The following ITPK1 variants were observed in gnomAD, a reference collection of about 807,000 sequenced individuals.
ITPK1 encodes the protein inositol-tetrakisphosphate 1-kinase, also known as inositol 1,3,4-trisphosphate 5/6-kinase.
In ITPK1, 21 loss-of-function variants were observed where a neutral mutation model predicts 45.3. The ratio of observed to expected loss-of-function variants is 0.46; its 90% CI spans 0.33 to 0.67. ITPK1 has a LOEUF of 0.67. ITPK1 is among the 30% of genes least tolerant of loss of function. The pLI, the probability that ITPK1 is intolerant of heterozygous loss-of-function variation, is 0.02. For missense variants in ITPK1, 474 were observed against 573.5 expected (o/e 0.83, Z 1.77); for synonymous variants, 258 against 253.6 (o/e 1.02, Z -0.16).
chr14:92,946,843 T>C (rs1887714920), intron 9 of ITPK1, among the ~76,000 whole-genome samples: 2 of 152,228 alleles, frequency 1.3e-5, no homozygotes, highest in Admixed American at 1.3e-4. Context: ...ACCCATATTT[T>C]TTAGCCTCTA....
At position 92,992,176 on chromosome 14, in the gene ITPK1, T is replaced by C. The variant is rs1886822492; in HGVS notation, c.364+1704A>G. On this transcript the variant is annotated intron_variant, in intron 5 of 10. Transcript: ENST00000267615. ...TGTCCGGGACATGAGATGTGGCTGC[T>C]GGTCTGCCACCTTCTTCTGCTAGCT... Among the ~76,000 whole-genome samples the C allele has an allele frequency of 1.3e-5, 2 of 152,360 alleles. 1 individual carries two copies. The highest frequency in any genetic ancestry group is 1.3e-4 in the Admixed American group (2 of 15,300).
At chr14:93,107,863 T>G (rs1309818369) in intron 2 of ITPK1, among the ~76,000 whole-genome samples, 1 of 152,202 alleles carries the variant, frequency 6.6e-6, no homozygotes, top group Non-Finnish European at 1.5e-5. Context: ...GGGCAGCTGC[T>G]TTCTGAGCAG....
intron 5 of ITPK1, among the ~76,000 whole-genome samples, chr14:92,990,147 C>T (rs1023810410): frequency 6.6e-6 from 1 of 152,240 alleles, no homozygotes; most frequent in Admixed American, 6.5e-5. Context: ...AATTTCCTGA[C>T]TCCCTTGCAG....
intron 5 of ITPK1, among the ~76,000 whole-genome samples, chr14:92,992,270 G>A (rs1424674783): frequency 6.6e-6 from 1 of 152,184 alleles, no homozygotes; most frequent in Non-Finnish European, 1.5e-5. Context: ...CACACCTTCT[G>A]GAAAGAGGCT....
intron 5 of ITPK1, among the ~76,000 whole-genome samples, chr14:92,972,821 C>T (rs1301075741): frequency 6.6e-6 from 1 of 152,346 alleles, no homozygotes; most frequent in East Asian, 1.9e-4. Context: ...GAACTCCGGA[C>T]CTCAAGTGAT....
intron 3 of ITPK1, among the ~76,000 whole-genome samples, chr14:93,053,743 G>A (rs1283041798): frequency 6.6e-6 from 1 of 152,142 alleles, no homozygotes; most frequent in Non-Finnish European, 1.5e-5. Context: ...GTCAGGGTAG[G>A]GCAGATACGG....
chr14:92,995,769 G>C (rs561943083), intron 4 of ITPK1, among the ~76,000 whole-genome samples: 1 of 152,210 alleles, frequency 6.6e-6, no homozygotes. Flanking sequence ...GCACTGATGC[G>C]GGAGAGCCCA....
chr14:92,942,102 G>C (rs2139692677), intron 10 of ITPK1, among the ~76,000 whole-genome samples, 198 bp from the exon 11 acceptor site: 1 of 152,292 alleles, frequency 6.6e-6, no homozygotes, highest in East Asian at 1.9e-4. Context: ...GCCCAACCAG[G>C]TGCGTGCTCC....
At chr14:93,002,438 A>C (rs996584506) in intron 4 of ITPK1, among the ~76,000 whole-genome samples, 18 of 152,366 alleles carry the variant, frequency 1.2e-4, no homozygotes, top group African/African-American at 4.3e-4. Flanking sequence ...ATGGAGTCTG[A>C]ACCCAGGGCC....
Position 92,941,981 on chromosome 14 carries a change from G to A in ITPK1, c.902-77C>T. The A allele has an allele frequency of 2.4e-6, 3 of 1,254,310 alleles. No individual in the cohort carries two copies. In the South Asian group the frequency reaches 3.8e-5, roughly 16 times the overall value. The allele number at this position is 1,254,310 out of a possible 1,614,324, so 77.7% of individuals were successfully genotyped here. A position where few individuals can be genotyped will look rare whatever the true frequency, so the allele number is the denominator to read the frequency against. ...ATGCAGGGAGGAGGAGGAGGAGGCA[G>A]AACCGATGGGCTCCTGGGATGAGGC... On this transcript the variant is annotated intron_variant, in intron 10 of 10. Transcript: ENST00000267615.
intron 8 of ITPK1, among the ~76,000 whole-genome samples, chr14:92,956,273 C>T (rs1884723862): frequency 6.6e-6 from 1 of 151,932 alleles, no homozygotes; most frequent in African/African-American, 2.4e-5. Flanking sequence ...GTGCACACCA[C>T]CATGCCCAGG....
At position 92,958,463 on chromosome 14, in the gene ITPK1, GC is replaced by G; in HGVS notation, c.505-98del. On this transcript the variant is annotated intron_variant, in intron 7 of 10. Transcript: ENST00000267615. This position sits in a 1 kb window ranked among gnomAD's most constrained non-coding sequence, Gnocchi z 4.4. ...ACCTGTCCAGAGCACCTCCACCAAG[GC>G]CCATCCCTGGTCCTGTGGCATGAGG... 1 of 1,196,812 alleles carries G rather than the reference GC, an allele frequency of 8.4e-7. No homozygotes were observed. The highest frequency in any genetic ancestry group is 1.2e-6 in the Non-Finnish European group (1 of 829,380). The allele number at this position is 1,196,812 out of a possible 1,614,324, so 74.1% of individuals were successfully genotyped here.
intron 4 of ITPK1, chr14:92,998,992 G>A (rs370832480): frequency 2.0e-5 from 3 of 152,170 alleles, no homozygotes; most frequent in South Asian, 2.1e-4. Flanking sequence ...AAGAAAACAC[G>A]GTCATAAATC....
chr14:92,958,381 G>A lies in ITPK1; in HGVS notation c.505-15C>T, dbSNP rs377113683. 19 of 1,613,574 alleles carry A rather than the reference G, an allele frequency of 1.2e-5. No individual in the cohort carries two copies. The highest frequency in any genetic ancestry group is 1.5e-5 in the Non-Finnish European group (18 of 1,179,714). On this transcript the variant is annotated splice_polypyrimidine_tract_variant and intron_variant, in intron 7 of 10. Transcript: ENST00000267615. This position sits in a 1 kb window ranked among gnomAD's most constrained non-coding sequence, Gnocchi z 4.4. Reference sequence around the variant, plus strand: ...ACGATAGCCATCTGGGAAGACAAGGGGTCAAAAGCTCTGTCAGAATCCACC... The same window carrying A: ...ACGATAGCCATCTGGGAAGACAAGGAGTCAAAAGCTCTGTCAGAATCCACC...
intron 2 of ITPK1, among the ~76,000 whole-genome samples, chr14:93,089,687 C>G (rs1003192578): frequency 6.6e-6 from 1 of 152,184 alleles, no homozygotes; most frequent in Non-Finnish European, 1.5e-5. Flanking sequence ...TGAGAATGAG[C>G]CTGGGGCCTC....
chr14:93,074,860 T>C (rs1891152817), intron 3 of ITPK1, among the ~76,000 whole-genome samples: 1 of 152,062 alleles, frequency 6.6e-6, no homozygotes, highest in African/African-American at 2.4e-5. Context: ...TCCACGCCTG[T>C]ACCCCTGGCA....
chr14:93,004,639 T>A lies in ITPK1; in HGVS notation c.247-10642A>T, dbSNP rs111853116. ...ATGAGTGTGTGTGTGTGCGTGCGTG[T>A]GTGGTGATGGATGTCACCTATTCAG... is the stretch of plus-strand genomic sequence containing the variant. On this transcript the variant is annotated intron_variant, in intron 4 of 10. Coordinates refer to ENST00000267615, the MANE Select transcript of ITPK1 (RefSeq NM_014216.6). 3.2e-3 allele frequency among the ~76,000 whole-genome samples: 486 copies of A among 152,182 alleles called. 3 individuals carry two copies. The highest frequency in any genetic ancestry group is 0.011 in the African/African-American group (458 of 41,508).
At chr14:93,040,114 G>T (rs962252283) in intron 3 of ITPK1, among the ~76,000 whole-genome samples, 10 of 152,250 alleles carry the variant, frequency 6.6e-5, no homozygotes, top group African/African-American at 2.4e-4. Flanking sequence ...TGGTTAAACT[G>T]CCTTAATCTT....
At chr14:93,098,355 G>T (rs1242080167) in intron 2 of ITPK1, among the ~76,000 whole-genome samples, 2 of 152,020 alleles carry the variant, frequency 1.3e-5, no homozygotes, top group Non-Finnish European at 2.9e-5. Flanking sequence ...TACTCGGAAG[G>T]TTGAGGCAGG....
Sources: allele counts gnomAD v4.1 joint callset (sites outside exome capture counted in the v4.1 genomes callset), GRCh38; gene constraint gnomAD v4.1.1; non-coding constraint Gnocchi (gnomAD v3.1); transcripts MANE v1.5; gene names NCBI Gene and HGNC (gene_info 2026-07-23, HGNC 2026-07-21).